The following ADHFE1 variants were observed in gnomAD, a reference collection of about 807,000 sequenced individuals.
ADHFE1 encodes alcohol dehydrogenase iron containing 1.
ADHFE1 carries 37 observed loss-of-function variants against 54.8 expected under a neutral mutation model. The ratio of observed to expected loss-of-function variants is 0.68; its 90% CI spans 0.52 to 0.89. ADHFE1 has a LOEUF of 0.89. Ranked by LOEUF, ADHFE1 falls within the 40% of genes least tolerant of loss-of-function variation. The pLI, the probability that ADHFE1 is intolerant of heterozygous loss-of-function variation, is 0.00. For missense variants in ADHFE1, 601 were observed against 591.2 expected, an observed-to-expected ratio of 1.02 and a Z score of -0.17; for synonymous variants, 203 against 229.3, an observed-to-expected ratio of 0.89 and a Z score of 1.04.
chr8:66,451,870 G>C, intron 8 of ADHFE1, 83 bp from the exon 9 acceptor site: 1 of 1,535,220 alleles, frequency 6.5e-7, no homozygotes, highest in South Asian at 1.2e-5. Context: ...GTGCCAAACA[G>C]CTCCAAGACA....
chr8:66,434,417 ACT>A (rs71748922), intron 1 of ADHFE1, among the ~76,000 whole-genome samples: 29,144 of 152,072 alleles, frequency 0.19, 2,916 homozygotes, highest in African/African-American at 0.23. Flanking sequence ...CCCTAACAAA[ACT>A]CTAACCTAGA....
intron 13 of ADHFE1, among the ~76,000 whole-genome samples, chr8:66,463,695 T>TTATTAG (rs1214470001): frequency 6.6e-6 from 1 of 152,216 alleles, no homozygotes; most frequent in East Asian, 1.9e-4. Flanking sequence ...TAATCTTCGC[T>TTATTAG]TATTAGTATC....
chr8:66,448,833 T>C, intron 7 of ADHFE1, 32 bp from the exon 8 acceptor site: 1 of 1,579,988 alleles, frequency 6.3e-7, no homozygotes. Flanking sequence ...TGCCCATGGC[T>C]TTAGCCTCTA....
chr8:66,442,988 C>G, intron 3 of ADHFE1, 144 bp downstream of exon 3: 1 of 730,120 alleles, frequency 1.4e-6, no homozygotes, highest in Non-Finnish European at 2.1e-6. Flanking sequence ...CCATATTTAG[C>G]AAAGTACCTG....
At chr8:66,458,956 A>G (rs1223433540) in intron 12 of ADHFE1, among the ~76,000 whole-genome samples, 1 of 152,186 alleles carries the variant, frequency 6.6e-6, no homozygotes, top group Non-Finnish European at 1.5e-5. Flanking sequence ...CCGCTGGGTA[A>G]TACAGACTGG....
intron 13 of ADHFE1, among the ~76,000 whole-genome samples, chr8:66,466,475 T>A (rs1234226480): frequency 1.2e-4 from 19 of 152,168 alleles, no homozygotes; most frequent in Admixed American, 1.2e-3. Flanking sequence ...TTCTAGCTCT[T>A]ACATTTAGGT....
intron 2 of ADHFE1, among the ~76,000 whole-genome samples, chr8:66,441,340 AC>A (rs1256584634): frequency 6.6e-6 from 1 of 152,078 alleles, no homozygotes; most frequent in Non-Finnish European, 1.5e-5. Flanking sequence ...GGGCTATCCT[AC>A]CACCTCAGCC....
Position 66,453,951 on chromosome 8 carries a change from G to A in ADHFE1, c.888-108G>A, listed in dbSNP as rs768640644. Reference sequence around the variant, plus strand: ...AACTTGCCTGATTTTTCTTCCTACCGAGTAGCATTTCTTTTTTTTTCACCA... The same window carrying A: ...AACTTGCCTGATTTTTCTTCCTACCAAGTAGCATTTCTTTTTTTTTCACCA... On this transcript the variant is annotated intron_variant, in intron 9 of 13. Coordinates refer to ENST00000396623, the MANE Select transcript of ADHFE1 (RefSeq NM_144650.3). The A allele has an allele frequency of 1.0e-5, 16 of 1,538,000 alleles. No homozygotes were observed. The Admixed American group carries it at 1.3e-4, about 12-fold the overall frequency.
In ADHFE1 at chr8:66,460,293, C is replaced by G; in HGVS notation, c.1163-15C>G. On this transcript the variant is annotated splice_polypyrimidine_tract_variant and intron_variant, in intron 12 of 13. Transcript: ENST00000396623. ...TCTTCCTCTCTCCCTACAGTCAGCACTTTATGTCTTCTAGGAGCCGACACC... is the reference window on the plus strand; with the variant it reads ...TCTTCCTCTCTCCCTACAGTCAGCAGTTTATGTCTTCTAGGAGCCGACACC... 1 of 1,613,770 alleles carries G rather than the reference C, an allele frequency of 6.2e-7. No individual in the cohort carries two copies. The highest frequency in any genetic ancestry group is 8.5e-7 in the Non-Finnish European group (1 of 1,179,930).
chr8:66,456,976 G>A, intron 11 of ADHFE1, 81 bp downstream of exon 11: 1 of 1,481,648 alleles, frequency 6.7e-7, no homozygotes, highest in African/African-American at 1.4e-5. Context: ...ATTCTCGCCT[G>A]CTTAGAGTAT....
Position 66,439,861 on chromosome 8 carries a change from A to G in ADHFE1, c.60-301A>G. The G allele has an allele frequency of 1.1e-6, 1 of 872,388 alleles. No individual in the cohort carries two copies. Among genetic ancestry groups the G allele is most frequent in the Non-Finnish European group, 1.5e-6 (1 of 665,276 alleles). The allele number at this position is 872,388 out of a possible 1,614,324, so 54.0% of individuals were successfully genotyped here. ...TGGAGACCAGAGACCCCCATCTTAAACTTGCATGTACCCCCAGAGCGTTTA... is the reference window on the plus strand; with the variant it reads ...TGGAGACCAGAGACCCCCATCTTAAGCTTGCATGTACCCCCAGAGCGTTTA... On this transcript the variant is annotated intron_variant, in intron 1 of 13. Coordinates refer to ENST00000396623, the MANE Select transcript of ADHFE1 (RefSeq NM_144650.3). This position sits in a 1 kb window ranked among gnomAD's most constrained non-coding sequence, Gnocchi z 4.4.
At chr8:66,446,313 GAGCCC>G (rs942531839) in intron 6 of ADHFE1, among the ~76,000 whole-genome samples, 3 of 152,182 alleles carry the variant, frequency 2.0e-5, no homozygotes, top group African/African-American at 7.2e-5. Context: ...CAAAACCACG[GAGCCC>G]AGCAAAGGCA....
At chr8:66,453,770 T>A (rs371585731) in intron 9 of ADHFE1, 26 of 1,403,802 alleles carry the variant, frequency 1.9e-5, no homozygotes, top group Non-Finnish European at 2.3e-5. Flanking sequence ...CTTCCTGGAG[T>A]GGCCCTCGCC....
At chr8:66,436,241 G>A (rs1805462224) in intron 1 of ADHFE1, among the ~76,000 whole-genome samples, 1 of 152,130 alleles carries the variant, frequency 6.6e-6, no homozygotes, top group South Asian at 2.1e-4. Context: ...TATCTGCAAA[G>A]TTCCTCTTAC....
intron 9 of ADHFE1, 109 bp from the exon 10 acceptor site, chr8:66,453,950 C>T (rs1806442083): frequency 1.1e-5 from 17 of 1,536,206 alleles, no homozygotes; most frequent in East Asian, 2.3e-5. Context: ...TTCTTCCTAC[C>T]GAGTAGCATT....
intron 13 of ADHFE1, among the ~76,000 whole-genome samples, chr8:66,463,724 GAGA>G (rs1378218768): frequency 6.6e-6 from 1 of 152,204 alleles, no homozygotes; most frequent in Non-Finnish European, 1.5e-5. Context: ...TTAAGGTAGT[GAGA>G]AGAATATACT....
intron 2 of ADHFE1, among the ~76,000 whole-genome samples, chr8:66,440,824 T>C (rs2130363210): frequency 6.6e-6 from 1 of 152,312 alleles, no homozygotes; most frequent in Middle Eastern, 3.4e-3. Context: ...ATTTTGTCTC[T>C]TCTAAGGTCA....
At chr8:66,460,790 C>A (rs1586485859) in intron 13 of ADHFE1, among the ~76,000 whole-genome samples, 1 of 152,210 alleles carries the variant, frequency 6.6e-6, no homozygotes, top group East Asian at 1.9e-4. Context: ...CATTTCTGTT[C>A]TTTGAAGGGC....
intron 13 of ADHFE1, among the ~76,000 whole-genome samples, chr8:66,465,219 T>C (rs1010008801): frequency 2.6e-5 from 4 of 152,162 alleles, no homozygotes; most frequent in Non-Finnish European, 4.4e-5. Flanking sequence ...TTTCAATTCT[T>C]TGGGGTATAT....
Sources: gnomAD v4.1 joint callset for allele counts (sites outside exome capture counted in the v4.1 genomes callset) on GRCh38, gnomAD v4.1.1 for gene constraint, Gnocchi (gnomAD v3.1) non-coding constraint, MANE v1.5 for transcripts, NCBI Gene and HGNC (gene_info 2026-07-23, HGNC 2026-07-21) for gene names.